The following SERGEF variants were observed in gnomAD, a reference collection of about 807,000 sequenced individuals.
The protein encoded by SERGEF is secretion regulating guanine nucleotide exchange factor.
SERGEF carries 51 observed loss-of-function variants against 50.0 expected under a neutral mutation model. That is an observed-to-expected ratio of 1.02 (90% confidence interval 0.81 to 1.29). The LOEUF (loss-of-function observed/expected upper bound fraction) is 1.29, where lower values mean the gene tolerates loss of function less well. SERGEF is among the 50% of genes most tolerant of loss of function. The pLI, the probability that SERGEF is intolerant of heterozygous loss-of-function variation, is 0.00. For missense variants in SERGEF, 521 were observed against 557.0 expected, an observed-to-expected ratio of 0.94 and a Z score of 0.65; for synonymous variants, 205 against 212.4, an observed-to-expected ratio of 0.97 and a Z score of 0.30.
At chr11:17,964,870 T>C (rs1853084631) in intron 8 of SERGEF, among the ~76,000 whole-genome samples, 1 of 152,194 alleles carries the variant, frequency 6.6e-6, no homozygotes, top group African/African-American at 2.4e-5. Context: ...AAAAGGACAT[T>C]TGATGATAAT....
chr11:17,958,101 A>G (rs1259672023), intron 9 of SERGEF, among the ~76,000 whole-genome samples: 2 of 152,164 alleles, frequency 1.3e-5, no homozygotes, highest in Non-Finnish European at 2.9e-5. Flanking sequence ...AGAGAGAGAA[A>G]AAAAGATAGA....
At position 17,993,830 on chromosome 11, in the gene SERGEF, G is replaced by C. The variant is rs1853772399; in HGVS notation, c.623-837C>G. Reference sequence around the variant, plus strand: ...GGGAACAGCCCGGGTTCCAGCTCCAGAACTTTTGGCAATGAGGTGAGAACG... The same window carrying C: ...GGGAACAGCCCGGGTTCCAGCTCCACAACTTTTGGCAATGAGGTGAGAACG... On this transcript the variant is annotated intron_variant, in intron 6 of 10. Coordinates refer to ENST00000265965, the MANE Select transcript of SERGEF (RefSeq NM_012139.4). Among the ~76,000 whole-genome samples, 5 of 152,154 alleles carry C rather than the reference G, an allele frequency of 3.3e-5. No individual in the cohort carries two copies. The South Asian group carries it at 1.0e-3, about 32-fold the overall frequency.
At chr11:17,996,923 A>G (rs1007526179) in intron 5 of SERGEF, among the ~76,000 whole-genome samples, 2 of 152,118 alleles carry the variant, frequency 1.3e-5, no homozygotes, top group Non-Finnish European at 2.9e-5. Flanking sequence ...AAAAGAAACA[A>G]CTCAGTTAAA....
intron 5 of SERGEF, among the ~76,000 whole-genome samples, chr11:18,000,267 G>A (rs541064850): frequency 6.6e-6 from 1 of 152,252 alleles, no homozygotes; most frequent in Admixed American, 6.5e-5. Flanking sequence ...GGGCAACATA[G>A]CGAGACCCTG....
chr11:17,813,039 G>A (rs1055067961), intron 10 of SERGEF, among the ~76,000 whole-genome samples: 4 of 152,180 alleles, frequency 2.6e-5, no homozygotes, highest in Non-Finnish European at 5.9e-5. Flanking sequence ...ACCGTATTCA[G>A]AAGGGTACCC....
intron 10 of SERGEF, among the ~76,000 whole-genome samples, chr11:17,811,532 A>G (rs975401130): frequency 6.6e-6 from 1 of 152,254 alleles, no homozygotes; most frequent in Non-Finnish European, 1.5e-5. Context: ...CCATTAGCTC[A>G]TGCTTCCAGA....
At chr11:17,904,861 A>C (rs35123326) in intron 9 of SERGEF, among the ~76,000 whole-genome samples, 9,173 of 152,254 alleles carry the variant, frequency 0.06, 930 homozygotes, top group African/African-American at 0.21. Context: ...TCAGTCCTGG[A>C]TGCCTGATTC....
At chr11:17,943,068 T>C (rs1464731926) in intron 9 of SERGEF, among the ~76,000 whole-genome samples, 1 of 149,946 alleles carries the variant, frequency 6.7e-6, no homozygotes, top group Non-Finnish European at 1.5e-5. Context: ...TTTTTTGTAA[T>C]GTCTTTGGTA....
At position 17,884,677 on chromosome 11, in the gene SERGEF, T is replaced by TAC. The variant is rs1221191910; in HGVS notation, c.1012-6434_1012-6433insGT. Among the ~76,000 whole-genome samples the TAC allele has an allele frequency of 2.6e-5, 4 of 152,128 alleles. No homozygotes were observed. Among genetic ancestry groups the TAC allele is most frequent in the Admixed American group, 6.5e-5 (1 of 15,280 alleles). On this transcript the variant is annotated intron_variant, in intron 9 of 10. Transcript: ENST00000265965. This position sits in a 1 kb window ranked among gnomAD's most constrained non-coding sequence, Gnocchi z 4.6. ...AGAACCTAGCCTTACTAAGATATCT[T>TAC]TAACTCTCTCTGTGGGCTTGAATTT...
chr11:17,871,498 G>T (rs1851137271), intron 10 of SERGEF, among the ~76,000 whole-genome samples: 1 of 150,320 alleles, frequency 6.7e-6, no homozygotes, highest in South Asian at 2.1e-4. Flanking sequence ...GCCACTGGCT[G>T]GGAGAAGATG....
chr11:17,789,642 C>A (rs1849447436), intron 10 of SERGEF, among the ~76,000 whole-genome samples: 1 of 152,168 alleles, frequency 6.6e-6, no homozygotes, highest in South Asian at 2.1e-4. Context: ...AAACAATGGA[C>A]AATATGGATG....
At chr11:17,999,825 C>A (rs1424916504) in intron 5 of SERGEF, among the ~76,000 whole-genome samples, 2 of 152,228 alleles carry the variant, frequency 1.3e-5, no homozygotes, top group East Asian at 1.9e-4. Flanking sequence ...CTGATCCAAG[C>A]TCTACGTTAC....
chr11:17,792,868 A>C (rs1849507435), intron 10 of SERGEF, among the ~76,000 whole-genome samples: 1 of 152,178 alleles, frequency 6.6e-6, no homozygotes, highest in African/African-American at 2.4e-5. Flanking sequence ...TTTGAGGGCC[A>C]TGTTAGGTCT....
intron 10 of SERGEF, among the ~76,000 whole-genome samples, chr11:17,857,080 G>A (rs1043690231): frequency 6.6e-6 from 1 of 152,160 alleles, no homozygotes; most frequent in African/African-American, 2.4e-5. Flanking sequence ...CCAGAAACAA[G>A]CCAAGTCAAG....
intron 8 of SERGEF, among the ~76,000 whole-genome samples, chr11:17,960,697 T>A (rs933863836): frequency 6.6e-6 from 1 of 152,146 alleles, no homozygotes; most frequent in Non-Finnish European, 1.5e-5. Context: ...AAAATAACCA[T>A]AGATTCATGG....
At chr11:17,989,617 A>T (rs1382819952) in intron 7 of SERGEF, among the ~76,000 whole-genome samples, 1 of 152,226 alleles carries the variant, frequency 6.6e-6, no homozygotes, top group Non-Finnish European at 1.5e-5. Context: ...GCCATGGGCA[A>T]TAATTTAGCC....
At chr11:17,808,927 T>C (rs1393761395) in intron 10 of SERGEF, among the ~76,000 whole-genome samples, 1 of 152,226 alleles carries the variant, frequency 6.6e-6, no homozygotes, top group Non-Finnish European at 1.5e-5. Flanking sequence ...AATATATAGG[T>C]ATTGGGGTTT....
intron 9 of SERGEF, among the ~76,000 whole-genome samples, chr11:17,910,879 G>T (rs1384259965): frequency 2.0e-5 from 3 of 152,216 alleles, no homozygotes; most frequent in African/African-American, 7.2e-5. Flanking sequence ...GGATAGAGGA[G>T]GGTGGCCAGG....
chr11:17,937,452 G>A (rs1420696170), intron 9 of SERGEF, among the ~76,000 whole-genome samples: 1 of 152,088 alleles, frequency 6.6e-6, no homozygotes, highest in Non-Finnish European at 1.5e-5. Flanking sequence ...CATGAGAATT[G>A]CTTCAACCCA....
Sources: gnomAD v4.1 joint callset for allele counts (sites outside exome capture counted in the v4.1 genomes callset) on GRCh38, gnomAD v4.1.1 for gene constraint, Gnocchi (gnomAD v3.1) non-coding constraint, MANE v1.5 for transcripts, NCBI Gene and HGNC (gene_info 2026-07-23, HGNC 2026-07-21) for gene names.